ITGA2B: variants seen among roughly 807,000 people sequenced by gnomAD.
The protein encoded by ITGA2B is integrin subunit alpha 2b.
In ITGA2B, 91 loss-of-function variants were observed where a neutral mutation model predicts 142.0. The observed-to-expected ratio is 0.64, with a 90% CI of 0.54 to 0.76. The LOEUF (loss-of-function observed/expected upper bound fraction) is 0.76. ITGA2B is among the 30% of genes least tolerant of loss of function. The probability of loss-of-function intolerance (pLI) is 0.00; values close to 1 mark genes in which losing one functional copy is unlikely to be tolerated. For missense variants in ITGA2B, 1,231 were observed against 1,350.8 expected (o/e 0.91, Z 1.39); for synonymous variants, 536 against 567.2 (o/e 0.94, Z 0.78).
chr17:44,373,548 C>T (rs796731381), intron 29 of ITGA2B, among the ~76,000 whole-genome samples: 6 of 152,292 alleles, frequency 3.9e-5, no homozygotes, highest in African/African-American at 1.2e-4. Flanking sequence ...CATGTCTTCC[C>T]TTCAGTGTGC....
chr17:44,377,195 T>C, intron 21 of ITGA2B, 107 bp from the exon 22 acceptor site: 2 of 858,640 alleles, frequency 2.3e-6, no homozygotes, highest in Non-Finnish European at 3.7e-6. Context: ...CACTATTCTT[T>C]TTCTTTTTTT....
chr17:44,382,750 T>TGCA (rs145901025), intron 12 of ITGA2B, among the ~76,000 whole-genome samples: 6,305 of 152,230 alleles, frequency 0.041, 186 homozygotes, highest in Non-Finnish European at 0.053. Context: ...CAGCAGGAGC[T>TGCA]GCAGCGCCCA....
Position 44,375,240 on chromosome 17 carries a change from A to C in ITGA2B, c.2728-129T>G. On this transcript the variant is annotated intron_variant, in intron 26 of 29. Transcript: ENST00000262407. ...GGAAGCGGTGGCCTTCCCATCAGGA[A>C]GGGCCTTGGATCCAAGCTTCGGATG... The C allele has an allele frequency of 3.9e-6, 3 of 776,594 alleles. 1 individual carries two copies. The South Asian group carries it at 4.4e-5, about 11-fold the overall frequency. 48.1% of individuals were successfully genotyped at this position (776,594 alleles called of 1,614,324 possible).
chr17:44,374,792 CCCA>C, intron 27 of ITGA2B, 32 bp from the exon 28 acceptor site: 1 of 1,573,496 alleles, frequency 6.4e-7, no homozygotes, highest in Non-Finnish European at 8.7e-7. Flanking sequence ...GCCGTTTACA[CCCA>C]CAAGAGGCCT....
At position 44,376,164 on chromosome 17, in the gene ITGA2B, AGGGAGGCT is replaced by A; in HGVS notation, c.2361_2368del (p.Ala788GlyfsTer8). On this transcript the variant is annotated frameshift_variant, in exon 24 of 30. Coordinates refer to ENST00000262407, the MANE Select transcript of ITGA2B (RefSeq NM_000419.5). LOFTEE classifies it high-confidence loss of function. ...CTCACCTTCTTCTGCTGCCACCACCAGGGAGGCTGGAAAGGAGTTCCTGCAGGTGCCCA... is the reference window on the plus strand; with the variant it reads ...CTCACCTTCTTCTGCTGCCACCACCAGGAAAGGAGTTCCTGCAGGTGCCCA... The A allele has an allele frequency of 6.2e-7, 1 of 1,614,142 alleles. No individual in the cohort carries two copies. The highest frequency in any genetic ancestry group is 8.5e-7 in the Non-Finnish European group (1 of 1,180,016).
rs2048621073 is a variant in ITGA2B, at chr17:44,384,067, C to G, written c.945+18G>C. ...TTCCCCCTCCACCCAGCCACGCCCACTGGGACCTGGCCCCCACCTGCTCTC... is the reference window on the plus strand; with the variant it reads ...TTCCCCCTCCACCCAGCCACGCCCAGTGGGACCTGGCCCCCACCTGCTCTC... On this transcript the variant is annotated intron_variant, in intron 10 of 29. Transcript: ENST00000262407. 6.2e-7 allele frequency: 1 copy of G among 1,613,682 alleles called. No homozygotes were observed.
In ITGA2B at chr17:44,383,964, C is replaced by T; in HGVS notation, c.946-18G>A. On this transcript the variant is annotated intron_variant, in intron 10 of 29. Coordinates refer to ENST00000262407, the MANE Select transcript of ITGA2B (RefSeq NM_000419.5). Reference sequence around the variant, plus strand: ...GACGCCATCTGCAAGATGAGGAGCACCATCATTCACGCCGCTGGACAAGCA... The same window carrying T: ...GACGCCATCTGCAAGATGAGGAGCATCATCATTCACGCCGCTGGACAAGCA... 4 of 1,614,060 alleles carry T rather than the reference C, an allele frequency of 2.5e-6. No individual in the cohort carries two copies. The highest frequency in any genetic ancestry group is 2.5e-6 in the Non-Finnish European group (3 of 1,180,002).
intron 29 of ITGA2B, among the ~76,000 whole-genome samples, chr17:44,373,239 G>A (rs2048511904): frequency 1.3e-5 from 2 of 151,544 alleles, no homozygotes; most frequent in African/African-American, 4.8e-5. Context: ...CCGGGTTCAA[G>A]TGATTCTCCT....
chr17:44,385,053 C>T lies in ITGA2B; in HGVS notation c.694G>A (p.Ala232Thr). The change falls in exon 7 of 30, where the codon GCG (alanine) becomes ACG (threonine). Residue 232 changes from alanine to threonine, a missense_variant. Around this residue, in one of 3 missense-constraint regions of ITGA2B, gnomAD observed 318 missense variants for 312.2 expected, o/e 1.02. Coordinates refer to ENST00000262407, the MANE Select transcript of ITGA2B (RefSeq NM_000419.5). ...FLGLLAQAPV[A>T]DIFSSYRPGI... is the part of the protein sequence containing the mutation. ...GGGCGGTAACTCGAGAAAATATCCG[C>T]AACTGGAGCCTGGGCCAGGAGACCT... 6.2e-7 allele frequency: 1 copy of T among 1,614,058 alleles called. No individual in the cohort carries two copies. The highest frequency in any genetic ancestry group is 8.5e-7 in the Non-Finnish European group (1 of 1,180,012).
chr17:44,383,475 G>C lies in ITGA2B; in HGVS notation c.1210+18C>G. ...TGTTAACCCCTCTGCAGCAAGTAGG[G>C]CTCCTCTCTTCCCTCACCATTGTAG... On this transcript the variant is annotated intron_variant, in intron 12 of 29. Coordinates refer to ENST00000262407, the MANE Select transcript of ITGA2B (RefSeq NM_000419.5). The C allele has an allele frequency of 6.3e-7, 1 of 1,593,882 alleles. No homozygotes were observed. The highest frequency in any genetic ancestry group is 8.5e-7 in the Non-Finnish European group (1 of 1,173,816).
In ITGA2B at chr17:44,384,330, C is replaced by T; in HGVS notation, c.872G>A (p.Trp291Ter). 6.2e-7 allele frequency: 1 copy of T among 1,613,478 alleles called. No individual in the cohort carries two copies. The highest frequency in any genetic ancestry group is 8.5e-7 in the Non-Finnish European group (1 of 1,179,918). Residue 291 changes from tryptophan to a stop codon, truncating the protein, a stop_gained, in exon 9 of 30, where the codon TGG (tryptophan) becomes TAG (stop). Coordinates refer to ENST00000262407, the MANE Select transcript of ITGA2B (RefSeq NM_000419.5). LOFTEE classifies it high-confidence loss of function. ...ACTTACCGCTCCCAGGGTCCAGCTC[C>T]AAGTGGGGGCACCGACGACATATTC... ...TTEYVVGAPT[W>*]SWTLGAVEIL...
chr17:44,379,890 C>G, intron 17 of ITGA2B, 76 bp from the exon 18 acceptor site: 1 of 1,612,592 alleles, frequency 6.2e-7, no homozygotes, highest in Non-Finnish European at 8.5e-7. Context: ...GGCACCGTGT[C>G]CTGACCACCC....
chr17:44,384,239 G>C, intron 9 of ITGA2B, 72 bp downstream of exon 9: 1 of 1,547,336 alleles, frequency 6.5e-7, no homozygotes, highest in Non-Finnish European at 8.9e-7. Flanking sequence ...CGGGGGTGGG[G>C]GGCGCTCAGG....
In ITGA2B at chr17:44,375,881, G is replaced by A. The variant is rs942265711; in HGVS notation, c.2553C>T (p.Pro851=). The A allele has an allele frequency of 6.2e-7, 1 of 1,606,514 alleles. No homozygotes were observed. The highest frequency in any genetic ancestry group is 8.5e-7 in the Non-Finnish European group (1 of 1,176,812). ...GTGGGAAGCACTGAAGGCCCCCCTG[G>A]GGCTGTATATCCAGGATGTAGAGCA... ...SDLLYILDIQ[P]QGGLQCFPQP... Residue 851 remains proline, a synonymous_variant, in exon 25 of 30, where the codon CCC becomes CCT. Transcript: ENST00000262407.
At chr17:44,377,833 A>G in intron 20 of ITGA2B, 43 bp from the exon 21 acceptor site, 2 of 1,300,840 alleles carry the variant, frequency 1.5e-6, no homozygotes, top group Non-Finnish European at 1.1e-6. Flanking sequence ...AGAGCATCAT[A>G]TATATATATT....
rs200962193 is a variant in ITGA2B at position 44,379,959 on chromosome 17, A to T, written c.1752+43T>A. On this transcript the variant is annotated intron_variant, in intron 17 of 29. Coordinates refer to ENST00000262407, the MANE Select transcript of ITGA2B (RefSeq NM_000419.5). ...GCTAGATGAACAAGTCCAGTGGGTAAGTTCTACTCTCCCAGCCCTGCCAAT... is the reference window on the plus strand; with the variant it reads ...GCTAGATGAACAAGTCCAGTGGGTATGTTCTACTCTCCCAGCCCTGCCAAT... The T allele has an allele frequency of 7.5e-5, 121 of 1,612,984 alleles. No individual in the cohort carries two copies. The African/African-American group carries it at 1.5e-3, about 20-fold the overall frequency.
intron 3 of ITGA2B, 22 bp downstream of exon 3, chr17:44,385,802 T>C: frequency 5.0e-6 from 8 of 1,607,356 alleles, no homozygotes; most frequent in Non-Finnish European, 6.8e-6. Context: ...TTGTTCCCTG[T>C]GCCCTGTACC....
chr17:44,384,873 C>T, intron 7 of ITGA2B, 75 bp downstream of exon 7: 3 of 1,608,270 alleles, frequency 1.9e-6, no homozygotes, highest in Non-Finnish European at 2.5e-6. Flanking sequence ...TGGAGGCTCC[C>T]ACAGGGGCAG....
At chr17:44,375,232 C>T in intron 26 of ITGA2B, 121 bp from the exon 27 acceptor site, 1 of 818,566 alleles carries the variant, frequency 1.2e-6, no homozygotes, top group Non-Finnish European at 2.0e-6. Context: ...GTGGCCTTCC[C>T]ATCAGGAAGG....
Sources: allele counts gnomAD v4.1 joint callset (sites outside exome capture counted in the v4.1 genomes callset), GRCh38; gene constraint gnomAD v4.1.1; regional missense constraint gnomAD v4.1.1; transcripts MANE v1.5; gene names NCBI Gene and HGNC (gene_info 2026-07-23, HGNC 2026-07-21).